The following SPAG17 variants were observed in gnomAD, a reference collection of about 807,000 sequenced individuals.
SPAG17 encodes sperm associated antigen 17, also known as sperm-associated antigen 17.
SPAG17 carries 169 observed loss-of-function variants against 273.6 expected under a neutral mutation model. The ratio of observed to expected loss-of-function variants is 0.62; its 90% CI spans 0.55 to 0.70. The LOEUF is 0.70. SPAG17 is among the 30% of genes least tolerant of loss of function. The pLI, the probability that SPAG17 is intolerant of heterozygous loss-of-function variation, is 0.00. For synonymous variants in SPAG17, 825 were observed against 873.2 expected (o/e 0.94, Z 0.97); for missense variants, 2,557 against 2,627.8 (o/e 0.97, Z 0.59).
chr1:118,053,655 T>C (rs912291528), intron 20 of SPAG17, among the ~76,000 whole-genome samples: 11 of 152,012 alleles, frequency 7.2e-5, no homozygotes, highest in Admixed American at 2.6e-4. Flanking sequence ...TATAAAAATA[T>C]TCTAAGAGAA....
intron 38 of SPAG17, among the ~76,000 whole-genome samples, chr1:117,990,212 C>A (rs1403330737): frequency 6.6e-6 from 1 of 152,174 alleles, no homozygotes; most frequent in Non-Finnish European, 1.5e-5. Flanking sequence ...ACAATAAAAA[C>A]AACTGTACAA....
At chr1:118,017,198 C>T (rs981005031) in intron 28 of SPAG17, among the ~76,000 whole-genome samples, 10 of 152,074 alleles carry the variant, frequency 6.6e-5, no homozygotes, top group Non-Finnish European at 1.3e-4. Context: ...AAAATGGTAT[C>T]GCTTTCAGAA....
chr1:118,172,182 A>G (rs1373992293), intron 1 of SPAG17, among the ~76,000 whole-genome samples: 3 of 152,260 alleles, frequency 2.0e-5, no homozygotes, highest in South Asian at 4.1e-4. Context: ...ATATTATAGT[A>G]GATGTTTCCA....
intron 28 of SPAG17, 90 bp from the exon 29 acceptor site, chr1:118,016,272 TACCTCAGATA>T: frequency 1.1e-6 from 1 of 931,180 alleles, no homozygotes; most frequent in South Asian, 1.6e-5. Context: ...CAGTACAAAC[TACCTCAGATA>T]CTGTGGCATA....
intron 3 of SPAG17, among the ~76,000 whole-genome samples, chr1:118,142,798 G>C (rs148134291): frequency 2.0e-5 from 3 of 152,126 alleles, no homozygotes; most frequent in Non-Finnish European, 4.4e-5. Context: ...ATGATCCCAG[G>C]CAGTCTGGTT....
intron 18 of SPAG17, among the ~76,000 whole-genome samples, chr1:118,063,869 G>T (rs546615161): frequency 3.9e-4 from 60 of 152,132 alleles, no homozygotes; most frequent in African/African-American, 1.4e-3. Context: ...AATCTACAAT[G>T]AATTAAAACG....
intron 18 of SPAG17, among the ~76,000 whole-genome samples, chr1:118,063,889 GA>G (rs1301720600): frequency 6.6e-6 from 1 of 151,814 alleles, no homozygotes; most frequent in Non-Finnish European, 1.5e-5. Context: ...GAATTTACAA[GA>G]AAAAAACAAA....
At chr1:118,073,764 G>T in intron 17 of SPAG17, 90 bp downstream of exon 17, 1 of 811,458 alleles carries the variant, frequency 1.2e-6, no homozygotes, top group East Asian at 2.9e-5. Context: ...CTAGATCTGA[G>T]AGAATGACCT....
rs140527744 is a variant in SPAG17, at chr1:118,035,336, T to C, written c.3433+1434A>G. 1.5e-3 allele frequency among the ~76,000 whole-genome samples: 235 copies of C among 152,088 alleles called. 1 individual carries two copies. The highest frequency in any genetic ancestry group is 5.4e-3 in the African/African-American group (223 of 41,488). On this transcript the variant is annotated intron_variant, in intron 24 of 48. Transcript: ENST00000336338. ...CAAGATTAATAAAATCACTCAGGAG[T>C]AGGAGCAACAGAATTGATAGCAGGT...
chr1:117,967,296 C>CA (rs5777330), intron 46 of SPAG17, among the ~76,000 whole-genome samples: 2,828 of 85,766 alleles, frequency 0.033, 52 homozygotes, highest in African/African-American at 0.074. Flanking sequence ...AACTCCATCT[C>CA]AAAAAAAAAA....
intron 15 of SPAG17, among the ~76,000 whole-genome samples, chr1:118,080,843 C>T (rs1654490356): frequency 6.6e-6 from 1 of 152,094 alleles, no homozygotes. Context: ...CTGTGTAACA[C>T]TAATGATGAA....
intron 13 of SPAG17, among the ~76,000 whole-genome samples, chr1:118,085,103 C>A (rs1486482147): frequency 6.6e-6 from 1 of 152,196 alleles, no homozygotes; most frequent in East Asian, 1.9e-4. Context: ...TCCTTCCTGT[C>A]CTCATGTGCA....
Position 117,996,760 on chromosome 1 carries a change from G to C in SPAG17, c.4777-17C>G. 1 of 1,575,746 alleles carries C rather than the reference G, an allele frequency of 6.3e-7. No homozygotes were observed. Among genetic ancestry groups the C allele is most frequent in the Non-Finnish European group, 8.6e-7 (1 of 1,167,582 alleles). On this transcript the variant is annotated splice_polypyrimidine_tract_variant and intron_variant, in intron 32 of 48. Coordinates refer to ENST00000336338, the MANE Select transcript of SPAG17 (RefSeq NM_206996.4). ...AGCCATGACCTAAGGGATAAAGTAT[G>C]TAAGCAACTAAAAGAAAAGAAAGTC...
chr1:118,121,523 A>C (rs561219498), intron 3 of SPAG17, among the ~76,000 whole-genome samples: 1 of 151,944 alleles, frequency 6.6e-6, no homozygotes, highest in Non-Finnish European at 1.5e-5. Flanking sequence ...GTGATATTAG[A>C]TTCTCATAGG....
chr1:118,091,859 G>T, intron 9 of SPAG17, 71 bp downstream of exon 9: 1 of 1,484,056 alleles, frequency 6.7e-7, no homozygotes, highest in South Asian at 1.1e-5. Context: ...AAAGTAATAT[G>T]GAGGGCAGTC....
intron 3 of SPAG17, among the ~76,000 whole-genome samples, chr1:118,129,176 G>A (rs917120933): frequency 1.3e-5 from 2 of 152,220 alleles, no homozygotes; most frequent in Non-Finnish European, 2.9e-5. Flanking sequence ...CTTGAAGCCT[G>A]CCTGGACTTC....
At chr1:117,961,066 AAGGTC>A (rs1434134502) in intron 48 of SPAG17, 1 of 152,176 alleles carries the variant, frequency 6.6e-6, no homozygotes, top group Non-Finnish European at 1.5e-5. Context: ...GGCGGATCAC[AAGGTC>A]AGGAGTTCCA....
Position 118,042,040 on chromosome 1 carries a change from T to C in SPAG17, c.2817A>G (p.Ala939=). The C allele has an allele frequency of 1.9e-6, 3 of 1,610,054 alleles. No individual in the cohort carries two copies. Among genetic ancestry groups the C allele is most frequent in the Non-Finnish European group, 2.5e-6 (3 of 1,179,046 alleles). The part of the protein sequence containing the change: ...IPFILEGSLK[A]WKEEQHRLAE... ...CTAATCGATGTTGCTCTTCTTTCCA[T>C]GCCTGTAAACACATTTAAGAAATTT... The change falls in exon 21 of 49, where the codon GCA becomes GCG. Residue 939 remains alanine, a splice_region_variant and synonymous_variant. Coordinates refer to ENST00000336338, the MANE Select transcript of SPAG17 (RefSeq NM_206996.4).
intron 3 of SPAG17, among the ~76,000 whole-genome samples, chr1:118,147,195 G>A (rs576823645): frequency 1.3e-5 from 2 of 152,150 alleles, no homozygotes; most frequent in Non-Finnish European, 2.9e-5. Flanking sequence ...TGAGGTTAGA[G>A]TCTTTATAAT....
Sources: gnomAD v4.1 joint callset for allele counts (sites outside exome capture counted in the v4.1 genomes callset) on GRCh38, gnomAD v4.1.1 for gene constraint, MANE v1.5 for transcripts, NCBI Gene and HGNC (gene_info 2026-07-23, HGNC 2026-07-21) for gene names.